Variants in SYN2 observed in about 807,000 individuals in gnomAD.
The protein encoded by SYN2 is synapsin II.
Under a neutral mutation model 50.9 loss-of-function variants are expected in SYN2, and 19 were observed. That is an observed-to-expected ratio of 0.37 (90% CI 0.26 to 0.55). The LOEUF is 0.55. SYN2 is among the 20% of genes least tolerant of loss of function. The probability of loss-of-function intolerance (pLI) is 0.81; values close to 1 mark genes in which losing one functional copy is unlikely to be tolerated. For synonymous variants in SYN2, 255 were observed against 224.9 expected, an observed-to-expected ratio of 1.13 and a Z score of -1.20; for missense variants, 587 against 576.4, an observed-to-expected ratio of 1.02 and a Z score of -0.19.
chr3:12,095,560 A>ACAAAAAAAAACAC (rs1253214910), intron 1 of SYN2, among the ~76,000 whole-genome samples: 3 of 120,594 alleles, frequency 2.5e-5, no homozygotes, highest in Admixed American at 9.2e-5. Flanking sequence ...AAAAAAAAAA[A>ACAAAAAAAAACAC]AAAAAAAAAA....
chr3:12,043,904 G>A (rs1431832528), intron 1 of SYN2, among the ~76,000 whole-genome samples: 1 of 151,990 alleles, frequency 6.6e-6, no homozygotes, highest in Non-Finnish European at 1.5e-5. Flanking sequence ...AACCTCCATA[G>A]CAGTTTATCT....
At chr3:12,078,079 A>G (rs978201684) in intron 1 of SYN2, among the ~76,000 whole-genome samples, 13 of 152,000 alleles carry the variant, frequency 8.6e-5, no homozygotes, top group South Asian at 6.2e-4. Flanking sequence ...AGTGATGTTG[A>G]GCTTTTTTTC....
intron 1 of SYN2, among the ~76,000 whole-genome samples, chr3:12,053,044 A>G (rs1205334492): frequency 2.0e-5 from 3 of 152,146 alleles, no homozygotes; most frequent in Non-Finnish European, 4.4e-5. Flanking sequence ...TATTATTCCC[A>G]TTTGATAAAT....
intron 5 of SYN2, among the ~76,000 whole-genome samples, chr3:12,159,510 G>A (rs1333308604): frequency 6.6e-6 from 1 of 152,156 alleles, no homozygotes; most frequent in Non-Finnish European, 1.5e-5. Context: ...CCTGGGGGGT[G>A]GGGAGAGATG....
chr3:12,057,839 A>G (rs1275147987), intron 1 of SYN2, among the ~76,000 whole-genome samples: 5 of 152,230 alleles, frequency 3.3e-5, no homozygotes, highest in Non-Finnish European at 7.3e-5. Context: ...AATTGGTTCT[A>G]TAATTTTAGA....
In SYN2 at chr3:12,004,900, C is replaced by T. The variant is rs1241636516; in HGVS notation, c.349C>T (p.Leu117=). Residue 117 remains leucine, a synonymous_variant, in exon 1 of 13, where the codon CTG becomes TTG. Transcript: ENST00000621198. Reference sequence around the variant, plus strand: ...AGCCGCCAGGAAGGCCAAGGTGCTGCTGGTGGTCGACGAGCCGCACGCCGA... The same window carrying T: ...AGCCGCCAGGAAGGCCAAGGTGCTGTTGGTGGTCGACGAGCCGCACGCCGA... ...PAAARKAKVL[L]VVDEPHADWA... is the part of the protein sequence containing the mutation. 1.5e-4 allele frequency: 88 copies of T among 582,900 alleles called. No homozygotes were observed. Among genetic ancestry groups the T allele is most frequent in the African/African-American group, 1.3e-3 (68 of 51,212 alleles). 36.1% of individuals were successfully genotyped at this position (582,900 alleles called of 1,614,324 possible). A position where few individuals can be genotyped will look rare whatever the true frequency, so the allele number is the denominator to read the frequency against.
intron 7 of SYN2, among the ~76,000 whole-genome samples, chr3:12,164,048 ACATGGGACCCTGTCT>A (rs1333578779): frequency 1.3e-5 from 2 of 152,170 alleles, no homozygotes; most frequent in African/African-American, 4.8e-5. Context: ...AGCCTGAGTG[ACATGGGACCCTGTCT>A]CAAAAAAAGA....
chr3:12,140,806 T>A, intron 2 of SYN2, 98 bp downstream of exon 2: 1 of 714,126 alleles, frequency 1.4e-6, no homozygotes, highest in Non-Finnish European at 2.6e-6. Context: ...GAATACTGTG[T>A]CCATCATTGG....
chr3:12,045,466 C>T (rs1458088781), intron 1 of SYN2, among the ~76,000 whole-genome samples: 1 of 152,158 alleles, frequency 6.6e-6, no homozygotes, highest in Non-Finnish European at 1.5e-5. Flanking sequence ...AATGTCTCTA[C>T]TGTTTTCCAA....
At chr3:12,088,350 C>T (rs527711750) in intron 1 of SYN2, among the ~76,000 whole-genome samples, 11 of 150,434 alleles carry the variant, frequency 7.3e-5, no homozygotes, top group South Asian at 4.2e-4. Flanking sequence ...CAAATAAAAA[C>T]CACAGTGAGA....
intron 1 of SYN2, among the ~76,000 whole-genome samples, chr3:12,030,617 G>A (rs1286322493): frequency 6.7e-6 from 1 of 148,830 alleles, no homozygotes; most frequent in Non-Finnish European, 1.5e-5. Flanking sequence ...GAGAGTGTAT[G>A]TGTCGAGGAA....
intron 4 of SYN2, among the ~76,000 whole-genome samples, chr3:12,149,489 G>C (rs1025578556): frequency 6.6e-6 from 1 of 152,228 alleles, no homozygotes. Context: ...AGGGTACAAT[G>C]GTGAATGCAC....
intron 1 of SYN2, among the ~76,000 whole-genome samples, chr3:12,059,803 G>C (rs572663526): frequency 6.6e-6 from 1 of 152,018 alleles, no homozygotes; most frequent in Admixed American, 6.6e-5. Context: ...TTGGCGGGGG[G>C]CCCACAGGCT....
In SYN2 at chr3:12,121,539, T is replaced by A. The variant is rs111844770; in HGVS notation, c.378-19112T>A. The stretch of plus-strand genomic sequence containing the variant: ...TGTTTTGCTGTACATAAGGCCTTAT[T>A]CATAGTAAATATATCAGTCAATGTT... On this transcript the variant is annotated intron_variant, in intron 1 of 12. Transcript: ENST00000621198. 5.3e-5 allele frequency among the ~76,000 whole-genome samples: 8 copies of A among 151,972 alleles called. 1 individual carries two copies. The highest frequency in any genetic ancestry group is 1.9e-4 in the African/African-American group (8 of 41,344).
At chr3:12,014,672 T>G (rs541127657) in intron 1 of SYN2, among the ~76,000 whole-genome samples, 1 of 152,318 alleles carries the variant, frequency 6.6e-6, no homozygotes, top group Admixed American at 6.5e-5. Flanking sequence ...AGTGTGAAAC[T>G]CCAACCTCAG....
intron 1 of SYN2, among the ~76,000 whole-genome samples, chr3:12,102,877 T>C (rs191985060): frequency 6.6e-6 from 1 of 152,080 alleles, no homozygotes; most frequent in Non-Finnish European, 1.5e-5. Flanking sequence ...AGACATATAA[T>C]GAACTACTCA....
intron 1 of SYN2, among the ~76,000 whole-genome samples, chr3:12,029,871 C>T (rs1363034412): frequency 9.6e-6 from 1 of 104,338 alleles, no homozygotes; most frequent in African/African-American, 5.0e-5. Flanking sequence ...CCCTTTATTT[C>T]TTTCTCTTGC....
chr3:12,107,760 A>C (rs1696227083), intron 1 of SYN2, among the ~76,000 whole-genome samples: 1 of 152,068 alleles, frequency 6.6e-6, no homozygotes, highest in South Asian at 2.1e-4. Flanking sequence ...GCTATATAAG[A>C]GGAGCAATAT....
intron 7 of SYN2, among the ~76,000 whole-genome samples, 187 bp downstream of exon 7, chr3:12,162,341 C>T (rs951914231): frequency 7.2e-5 from 11 of 152,178 alleles, no homozygotes; most frequent in African/African-American, 2.7e-4. Context: ...TTCATTTTCA[C>T]TTGCCTCTAA....
Sources: allele counts gnomAD v4.1 joint callset (sites outside exome capture counted in the v4.1 genomes callset), GRCh38; gene constraint gnomAD v4.1.1; transcripts MANE v1.5; gene names NCBI Gene and HGNC (gene_info 2026-07-23, HGNC 2026-07-21).